The following TNS3 variants were observed in gnomAD, a reference collection of about 807,000 sequenced individuals.
The protein encoded by TNS3 is tensin 3.
TNS3 carries 45 observed loss-of-function variants against 140.9 expected under a neutral mutation model. That is an observed-to-expected ratio of 0.32 (90% CI 0.25 to 0.41). The LOEUF is 0.41. Ranked by LOEUF, TNS3 falls within the 10% of genes least tolerant of loss-of-function variation. The pLI is 1.00. For missense variants in TNS3, 1,716 were observed against 1,906.7 expected, an observed-to-expected ratio of 0.90 and a Z score of 1.86; for synonymous variants, 815 against 788.4, an observed-to-expected ratio of 1.03 and a Z score of -0.56.
intron 20 of TNS3, among the ~76,000 whole-genome samples, chr7:47,323,533 T>C (rs1194424882): frequency 6.6e-6 from 1 of 152,226 alleles, no homozygotes; most frequent in Non-Finnish European, 1.5e-5. Context: ...AAGAAGAATG[T>C]TCAAATGAGT....
chr7:47,439,548 T>C lies in TNS3; in HGVS notation c.89A>G (p.Tyr30Cys). ...CGTGACCTCCTGTAGGTTGTGCAGG[T>C]AGGACTCCTCAGAGCAGCCGGCAGG... ...SFPAGCSEES[Y>C]LHNLQEVTRM... The change falls in exon 6 of 31, where the codon TAC (tyrosine) becomes TGC (cysteine). Residue 30 changes from tyrosine (Y) to cysteine (C), a missense_variant. Tyr to Cys is a radical substitution (Grantham distance 194). This residue lies in a region of TNS3 where 337 missense variants were observed against 428.9 expected (regional missense o/e 0.79). Transcript: ENST00000311160. The C allele has an allele frequency of 6.2e-7, 1 of 1,613,996 alleles. No homozygotes were observed. The highest frequency in any genetic ancestry group is 1.1e-5 in the South Asian group (1 of 91,060).
chr7:47,396,117 G>T (rs1792814354), intron 16 of TNS3, among the ~76,000 whole-genome samples: 1 of 152,194 alleles, frequency 6.6e-6, no homozygotes, highest in African/African-American at 2.4e-5. Context: ...ATTCTCAATC[G>T]GTGGTTGAAA....
intron 4 of TNS3, among the ~76,000 whole-genome samples, chr7:47,478,986 A>T (rs1295684081): frequency 6.6e-6 from 1 of 152,170 alleles, no homozygotes; most frequent in Non-Finnish European, 1.5e-5. Flanking sequence ...GGCAGGAGCC[A>T]GGCTGGGCTA....
intron 3 of TNS3, among the ~76,000 whole-genome samples, chr7:47,498,600 A>G (rs974028153): frequency 2.6e-5 from 4 of 152,234 alleles, no homozygotes; most frequent in South Asian, 4.1e-4. Flanking sequence ...TTTAAAACAA[A>G]TATCTTGTTT....
intron 1 of TNS3, among the ~76,000 whole-genome samples, chr7:47,544,411 G>A (rs1383540099): frequency 6.6e-6 from 1 of 152,160 alleles, no homozygotes; most frequent in African/African-American, 2.4e-5. Flanking sequence ...TCACCCACGA[G>A]GTGACGATAT....
chr7:47,377,007 G>A (rs1791431689), intron 16 of TNS3, among the ~76,000 whole-genome samples: 3 of 152,166 alleles, frequency 2.0e-5, no homozygotes, highest in Non-Finnish European at 4.4e-5. Flanking sequence ...CCCCATCGGG[G>A]TCAGGAGCCA....
At chr7:47,429,461 G>A (rs1026636456) in intron 8 of TNS3, among the ~76,000 whole-genome samples, 13 of 152,070 alleles carry the variant, frequency 8.5e-5, no homozygotes, top group Admixed American at 2.6e-4. Context: ...TCCGCCTCCC[G>A]GGTTCACGCC....
chr7:47,285,531 C>T (rs1016402267), intron 27 of TNS3, among the ~76,000 whole-genome samples: 3 of 152,206 alleles, frequency 2.0e-5, no homozygotes, highest in Non-Finnish European at 2.9e-5. Flanking sequence ...TTGCCTTCTA[C>T]CATGATCATG....
intron 22 of TNS3, 128 bp downstream of exon 22, chr7:47,302,822 C>A: frequency 7.6e-7 from 1 of 1,307,442 alleles, no homozygotes; most frequent in Non-Finnish European, 1.0e-6. Flanking sequence ...ACCCCAACGG[C>A]TCTGGATTTC....
intron 1 of TNS3, among the ~76,000 whole-genome samples, chr7:47,572,662 G>C (rs1234785939): frequency 6.6e-6 from 1 of 152,142 alleles, no homozygotes; most frequent in Non-Finnish European, 1.5e-5. Flanking sequence ...GATCGCCTGA[G>C]GTCAGGAGTT....
chr7:47,353,731 C>G (rs1445384257), intron 17 of TNS3, among the ~76,000 whole-genome samples: 1 of 152,162 alleles, frequency 6.6e-6, no homozygotes, highest in Non-Finnish European at 1.5e-5. Context: ...TAGCCTCCCT[C>G]CTACCACAGC....
chr7:47,368,908 C>A lies in TNS3; in HGVS notation c.1738G>T (p.Gly580Trp). 1 of 1,613,384 alleles carries A rather than the reference C, an allele frequency of 6.2e-7. No homozygotes were observed. Among genetic ancestry groups the A allele is most frequent in the Non-Finnish European group, 8.5e-7 (1 of 1,179,700 alleles). ...GTCTGTGTGGAGTAGCTGCTCTGCC[C>A]ATAGGCCTGCATCTGGGCGGACACT... ...PSVSAQMQAY[G>W]QSSYSTQTWV... The change falls in exon 17 of 31, where the codon GGG (glycine) becomes TGG (tryptophan). Residue 580 changes from glycine (G) to tryptophan (W), a missense_variant. By Grantham distance (184) the Gly-to-Trp change is radical (BLOSUM62 -2). Around this residue, in one of 3 missense-constraint regions of TNS3, gnomAD observed 1,163 missense variants for 1,182.1 expected, o/e 0.98. Transcript: ENST00000311160.
chr7:47,400,877 C>T lies in TNS3; in HGVS notation c.761G>A (p.Arg254His), dbSNP rs1411953334. ...CYHKKYRSAT[R>H]DVIFRLQFHT... is the part of the protein sequence containing the mutation. Reference sequence around the variant, plus strand: ...AAACTGCAGGCGGAAAATGACGTCACGGGTGGCCGAGCGGTATTTCTTGTG... The same window carrying T: ...AAACTGCAGGCGGAAAATGACGTCATGGGTGGCCGAGCGGTATTTCTTGTG... Residue 254 changes from arginine to histidine, a missense_variant, in exon 14 of 31, where the codon CGT becomes CAT. By Grantham distance (29) the Arg-to-His change is conservative. Coordinates refer to ENST00000311160, the MANE Select transcript of TNS3 (RefSeq NM_022748.12). 12 of 1,614,120 alleles carry T rather than the reference C, an allele frequency of 7.4e-6. No homozygotes were observed. The African/African-American group carries it at 1.3e-4, about 18-fold the overall frequency.
chr7:47,275,807 A>T lies in TNS3; in HGVS notation c.*2269T>A, dbSNP rs990033429. On this transcript the variant is annotated 3_prime_UTR_variant, in exon 31 of 31. Transcript: ENST00000311160. ...AAATCACACCTGGCCAATGAGTTCA[A>T]AAAGCACGTTTGCAGGGCTTCCTGA... The T allele has an allele frequency of 2.2e-6, 1 of 455,974 alleles. No individual in the cohort carries two copies. Among genetic ancestry groups the T allele is most frequent in the South Asian group, 1.5e-5 (1 of 64,550 alleles). 28.2% of individuals were successfully genotyped at this position (455,974 alleles called of 1,614,324 possible).
Position 47,529,092 on chromosome 7 carries a change from G to C in TNS3, c.-209C>G. 2 of 1,289,116 alleles carry C rather than the reference G, an allele frequency of 1.6e-6. No individual in the cohort carries two copies. Among genetic ancestry groups the C allele is most frequent in the Non-Finnish European group, 2.0e-6 (2 of 988,758 alleles). 79.9% of individuals were successfully genotyped at this position (1,289,116 alleles called of 1,614,324 possible). ...TTGTTTGCAAACTCCACACACTTTG[G>C]ATTTTTTAAAGGCCTTGTTCTTAAA... On this transcript the variant is annotated 5_prime_UTR_variant, in exon 2 of 31. The change creates a new upstream start codon in the 5' untranslated region. Coordinates refer to ENST00000311160, the MANE Select transcript of TNS3 (RefSeq NM_022748.12).
chr7:47,470,537 C>G (rs1319408929), intron 4 of TNS3: 2 of 985,410 alleles, frequency 2.0e-6, no homozygotes, highest in Non-Finnish European at 2.4e-6. Flanking sequence ...AGGGACCACA[C>G]GACAATACTT....
At chr7:47,528,113 G>A (rs910001764) in intron 2 of TNS3, among the ~76,000 whole-genome samples, 13 of 152,072 alleles carry the variant, frequency 8.5e-5, no homozygotes, top group East Asian at 3.9e-4. Context: ...CCAAGGGGCC[G>A]AATCAGAGGA....
rs1791778476 is a variant in TNS3, at chr7:47,381,824, C to G, written c.1025-12203G>C. 1.3e-5 allele frequency among the ~76,000 whole-genome samples: 2 copies of G among 152,220 alleles called. 1 individual carries two copies. The highest frequency in any genetic ancestry group is 4.1e-4 in the South Asian group (2 of 4,830). ...ATTCTTTAAAGGGTATTGGCTAACC[C>G]ACCTTCCTATCAAGAGAACCGAAAT... On this transcript the variant is annotated intron_variant, in intron 16 of 30. Transcript: ENST00000311160.
chr7:47,567,030 CAAAAAAA>C (rs541987899), intron 1 of TNS3, among the ~76,000 whole-genome samples: 86 of 98,700 alleles, frequency 8.7e-4, no homozygotes, highest in Admixed American at 1.1e-3. Context: ...GACTCCATCT[CAAAAAAA>C]AAAAAAAAAA....
Sources: allele counts gnomAD v4.1 joint callset (sites outside exome capture counted in the v4.1 genomes callset), GRCh38; gene constraint gnomAD v4.1.1; regional missense constraint gnomAD v4.1.1; transcripts MANE v1.5; gene names NCBI Gene and HGNC (gene_info 2026-07-23, HGNC 2026-07-21).